Variants in AGAP6 observed in about 807,000 individuals in gnomAD.
The protein encoded by AGAP6 is ArfGAP with GTPase domain, ankyrin repeat and PH domain 6.
Under a neutral mutation model 63.9 loss-of-function variants are expected in AGAP6, and 29 were observed. The ratio of observed to expected loss-of-function variants is 0.45; its 90% CI spans 0.34 to 0.62. AGAP6 has a LOEUF of 0.62. Among genes scored for constraint, AGAP6 ranks in the 20% least tolerant of loss-of-function variants. AGAP6 has a pLI of 0.01. For synonymous variants in AGAP6, 199 were observed against 332.9 expected (o/e 0.60, Z 4.38); for missense variants, 493 against 884.9 (o/e 0.56, Z 5.62).
chr10:50,003,791 C>T (rs1420828930), intron 5 of AGAP6, among the ~76,000 whole-genome samples: 8 of 152,280 alleles, frequency 5.3e-5, no homozygotes, highest in Admixed American at 4.6e-4. Context: ...AGGTCTGTTT[C>T]CCTGATCTGT....
intron 2 of AGAP6, among the ~76,000 whole-genome samples, chr10:49,991,343 A>G (rs1239896954): frequency 6.6e-6 from 1 of 150,958 alleles, no homozygotes; most frequent in East Asian, 1.9e-4. Flanking sequence ...TTTTATGCAA[A>G]GTTGATTTTA....
chr10:49,989,909 C>T (rs1841202712), intron 2 of AGAP6, among the ~76,000 whole-genome samples: 1 of 152,096 alleles, frequency 6.6e-6, no homozygotes, highest in South Asian at 2.1e-4. Flanking sequence ...AATGTGTCTC[C>T]AGATTTATTC....
In AGAP6 at chr10:49,995,770, A is replaced by G. The variant is rs552797325; in HGVS notation, c.396+1341A>G. Among the ~76,000 whole-genome samples, 41 of 152,314 alleles carry G rather than the reference A, an allele frequency of 2.7e-4. No individual in the cohort carries two copies. In the South Asian group the frequency reaches 8.3e-3, roughly 31 times the overall value. On this transcript the variant is annotated intron_variant, in intron 4 of 7. Transcript: ENST00000412531. ...ACATTTTCCTGGGTGGAGATGTTAA[A>G]ATCCCTCCTCTTTGATAGAGAGTAC...
Position 50,005,439 on chromosome 10 carries a change from G to A in AGAP6, c.533+719G>A, listed in dbSNP as rs536037064. Among the ~76,000 whole-genome samples the A allele has an allele frequency of 7.9e-5, 12 of 152,212 alleles. No individual in the cohort carries two copies. The South Asian group carries it at 1.5e-3, about 18-fold the overall frequency. On this transcript the variant is annotated intron_variant, in intron 6 of 7. Coordinates refer to ENST00000412531, the MANE Select transcript of AGAP6 (RefSeq NM_001077665.3). ...ATCCTGGCTAACACGGCAAAACCCC[G>A]TCTCTACTAAAAATACAAAAACTTA... is the stretch of plus-strand genomic sequence containing the variant.
chr10:49,994,835 G>C (rs1214749874), intron 4 of AGAP6, among the ~76,000 whole-genome samples: 2 of 151,868 alleles, frequency 1.3e-5, no homozygotes, highest in African/African-American at 2.4e-5. Context: ...GGTGGTGCAT[G>C]CCTGTAATCT....
At chr10:49,989,632 T>C (rs1841190886) in intron 2 of AGAP6, among the ~76,000 whole-genome samples, 1 of 152,070 alleles carries the variant, frequency 6.6e-6, no homozygotes, top group African/African-American at 2.4e-5. Context: ...TTATTTAAAA[T>C]CAGAATGGAG....
In AGAP6 at chr10:50,010,020, G is replaced by A. The variant is rs782817392; in HGVS notation, c.1895G>A (p.Cys632Tyr). 7.4e-6 allele frequency: 12 copies of A among 1,611,240 alleles called. No individual in the cohort carries two copies. The East Asian group carries it at 2.7e-4, about 36-fold the overall frequency. The change falls in exon 8 of 8, where the codon TGC becomes TAC. Residue 632 changes from cysteine (C) to tyrosine (Y), a missense_variant. By Grantham distance (194) the Cys-to-Tyr change is radical. Coordinates refer to ENST00000412531, the MANE Select transcript of AGAP6 (RefSeq NM_001077665.3). Reference sequence around the variant, plus strand: ...GGCTGCACGGCGCTCCATCTGGCCTGCCGCAAGGGGAATGTGGTCCTGGCG... The same window carrying A: ...GGCTGCACGGCGCTCCATCTGGCCTACCGCAAGGGGAATGTGGTCCTGGCG... ...GDGCTALHLA[C>Y]RKGNVVLAQL... is the part of the protein sequence containing the mutation.
At position 50,008,818 on chromosome 10, in the gene AGAP6, C is replaced by T. The variant is rs1461547343; in HGVS notation, c.693C>T (p.Phe231=). The T allele has an allele frequency of 6.2e-7, 1 of 1,613,988 alleles. No homozygotes were observed. Among genetic ancestry groups the T allele is most frequent in the African/African-American group, 1.3e-5 (1 of 74,910 alleles). ...TPSTSQEDPQ[F]SVPPTANTPT... Reference sequence around the variant, plus strand: ...GCACCAGCCAGGAGGACCCTCAGTTCAGTGTTCCTCCCACTGCCAACACAC... The same window carrying T: ...GCACCAGCCAGGAGGACCCTCAGTTTAGTGTTCCTCCCACTGCCAACACAC... Residue 231 remains phenylalanine, a synonymous_variant, in exon 8 of 8, where the codon TTC becomes TTT. Transcript: ENST00000412531.
intron 4 of AGAP6, among the ~76,000 whole-genome samples, chr10:49,999,320 A>G (rs1841608519): frequency 1.5e-5 from 2 of 136,424 alleles, no homozygotes; most frequent in South Asian, 2.6e-4. Flanking sequence ...ACACAAGTCA[A>G]TAAATGTGAT....
At chr10:49,989,905 T>C (rs1554860481) in intron 2 of AGAP6, among the ~76,000 whole-genome samples, 1 of 152,188 alleles carries the variant, frequency 6.6e-6, no homozygotes, top group Admixed American at 6.5e-5. Flanking sequence ...AGAAAATGTG[T>C]CTCCAGATTT....
At chr10:50,004,468 A>G (rs1218138400) in intron 5 of AGAP6, among the ~76,000 whole-genome samples, 1 of 149,206 alleles carries the variant, frequency 6.7e-6, no homozygotes, top group East Asian at 1.9e-4. Context: ...ACCAACAGAA[A>G]CGCGTCTTCT....
At chr10:49,994,898 G>T (rs1841426384) in intron 4 of AGAP6, among the ~76,000 whole-genome samples, 1 of 149,308 alleles carries the variant, frequency 6.7e-6, no homozygotes, top group African/African-American at 2.5e-5. Context: ...GGAGGCGGAG[G>T]TTGCAGTGAG....
chr10:49,992,887 G>A lies in AGAP6; in HGVS notation c.361+1143G>A, dbSNP rs557826526. On this transcript the variant is annotated intron_variant, in intron 3 of 7. Coordinates refer to ENST00000412531, the MANE Select transcript of AGAP6 (RefSeq NM_001077665.3). ...AGCAATTCTCCTGCCTCAGCCTCCC[G>A]AGTAGTTGGGACTATAGGTGGGCAC... Among the ~76,000 whole-genome samples the A allele has an allele frequency of 1.5e-3, 221 of 152,156 alleles. 1 individual carries two copies. The highest frequency in any genetic ancestry group is 5.1e-3 in the African/African-American group (210 of 41,468).
rs2132110725 is a variant in AGAP6 at position 49,988,570 on chromosome 10, G to T, written c.-146G>T. The stretch of plus-strand genomic sequence containing the variant: ...AGCCGGGGCCGGGGCCAGGGCTGGT[G>T]CCCGGGGCCTCGCTGTGAGGTGGGC... On this transcript the variant is annotated 5_prime_UTR_variant, in exon 1 of 8. Transcript: ENST00000412531. 2 of 1,544,714 alleles carry T rather than the reference G, an allele frequency of 1.3e-6. No homozygotes were observed. The highest frequency in any genetic ancestry group is 3.9e-5 in the Admixed American group (2 of 51,452).
In AGAP6 at chr10:49,988,827, G is replaced by T; in HGVS notation, c.112G>T (p.Asp38Tyr). ...ESETYEAGAR[D>Y]RMAGAPMAAA... ...TGAGACCTATGAGGCAGGAGCTAGGGACAGGATGGCAGGAGCGCCCATGGC... is the reference window on the plus strand; with the variant it reads ...TGAGACCTATGAGGCAGGAGCTAGGTACAGGATGGCAGGAGCGCCCATGGC... Residue 38 changes from aspartate to tyrosine, a missense_variant, in exon 1 of 8, where the codon GAC becomes TAC. By Grantham distance (160) the Asp-to-Tyr change is radical. Around this residue, in one of 7 missense-constraint regions of AGAP6, gnomAD observed 342 missense variants for 533.4 expected, o/e 0.64. Coordinates refer to ENST00000412531, the MANE Select transcript of AGAP6 (RefSeq NM_001077665.3). The T allele has an allele frequency of 3.2e-6, 5 of 1,555,786 alleles. No homozygotes were observed. The highest frequency in any genetic ancestry group is 4.4e-6 in the Non-Finnish European group (5 of 1,146,644).
chr10:50,007,392 CAAAAA>C (rs782611919), intron 6 of AGAP6, among the ~76,000 whole-genome samples: 6 of 8,584 alleles, frequency 7.0e-4, no homozygotes, highest in Non-Finnish European at 1.4e-3. Flanking sequence ...AACTTGGTCT[CAAAAA>C]AAAAAAAAAA....
Position 50,009,640 on chromosome 10 carries a change from C to A in AGAP6, c.1515C>A (p.Ile505=). 6.2e-7 allele frequency: 1 copy of A among 1,614,132 alleles called. No individual in the cohort carries two copies. Among genetic ancestry groups the A allele is most frequent in the Non-Finnish European group, 8.5e-7 (1 of 1,179,988 alleles). ...GVLMCIECSG[I]HRSLGPHLSR... ...TCATGTGTATTGAATGCTCAGGTATCCACCGCAGTCTTGGCCCCCACCTTT... is the reference window on the plus strand; with the variant it reads ...TCATGTGTATTGAATGCTCAGGTATACACCGCAGTCTTGGCCCCCACCTTT... The change falls in exon 8 of 8, where the codon ATC becomes ATA. Residue 505 remains isoleucine (I), a synonymous_variant. Transcript: ENST00000412531.
rs530258008 is a variant in AGAP6, at chr10:50,005,748, C to T, written c.533+1028C>T. On this transcript the variant is annotated intron_variant, in intron 6 of 7. Transcript: ENST00000412531. ...CCAGCCCGACCAACATGGTAAAACCCGCCTCTACTGAAAGTACAAAAAATG... is the reference window on the plus strand; with the variant it reads ...CCAGCCCGACCAACATGGTAAAACCTGCCTCTACTGAAAGTACAAAAAATG... Among the ~76,000 whole-genome samples, 166 of 139,306 alleles carry T rather than the reference C, an allele frequency of 1.2e-3. 5 individuals carry two copies. The South Asian group carries it at 0.03, about 25-fold the overall frequency. The allele number at this position is 139,306 out of a possible 152,430, so 91.4% of individuals were successfully genotyped here. A position where few individuals can be genotyped will look rare whatever the true frequency, so the allele number is the denominator to read the frequency against.
chr10:49,992,523 C>T (rs1554861236), intron 3 of AGAP6, among the ~76,000 whole-genome samples: 1 of 152,106 alleles, frequency 6.6e-6, no homozygotes, highest in Non-Finnish European at 1.5e-5. Flanking sequence ...TCAGTTATTT[C>T]TGGTTAGAAT....
Sources: gnomAD v4.1 joint callset for allele counts (sites outside exome capture counted in the v4.1 genomes callset) on GRCh38, gnomAD v4.1.1 for gene constraint, gnomAD v4.1.1 regional missense constraint, MANE v1.5 for transcripts, NCBI Gene and HGNC (gene_info 2026-07-23, HGNC 2026-07-21) for gene names.